WASF3: variants seen among roughly 807,000 people sequenced by gnomAD.
WASF3 encodes the protein WASP family member 3, also known as actin-binding protein WASF3.
Under a neutral mutation model 46.6 loss-of-function variants are expected in WASF3, and 11 were observed. The observed-to-expected ratio is 0.24, with a 90% CI of 0.15 to 0.39. The LOEUF is 0.39. Among genes scored for constraint, WASF3 ranks in the 10% least tolerant of loss-of-function variants. WASF3 has a pLI of 1.00. For synonymous variants in WASF3, 242 were observed against 259.7 expected (o/e 0.93, Z 0.65); for missense variants, 576 against 669.8 (o/e 0.86, Z 1.55).
chr13:26,579,281 A>G (rs189395388), intron 1 of WASF3, among the ~76,000 whole-genome samples: 1 of 152,204 alleles, frequency 6.6e-6, no homozygotes, highest in African/African-American at 2.4e-5. Context: ...ATTAAAATAC[A>G]AAAGTAAATA....
intron 6 of WASF3, 55 bp from the exon 7 acceptor site, chr13:26,676,494 C>G: frequency 1.9e-6 from 3 of 1,577,916 alleles, no homozygotes; most frequent in Non-Finnish European, 2.6e-6. Context: ...ATTTAACCAG[C>G]TGTTTTCCTT....
At chr13:26,653,333 T>C (rs1882371340) in intron 3 of WASF3, among the ~76,000 whole-genome samples, 1 of 152,188 alleles carries the variant, frequency 6.6e-6, no homozygotes, top group Non-Finnish European at 1.5e-5. Context: ...AAATTTCAGA[T>C]CATCCTCTCC....
rs1044444306 is a variant in WASF3, at chr13:26,590,914, GAACT to G, written c.-108-22044_-108-22041del. Among the ~76,000 whole-genome samples the G allele has an allele frequency of 5.1e-4, 78 of 152,296 alleles. 1 individual carries two copies. The highest frequency in any genetic ancestry group is 1.9e-3 in the African/African-American group (77 of 41,544). ...AGAAGATAATAGATGGTAATGGAGAGAACTAAATCATTTAAAAAGGGTAAGGAGG... is the reference window on the plus strand; with the variant it reads ...AGAAGATAATAGATGGTAATGGAGAGAAATCATTTAAAAAGGGTAAGGAGG... On this transcript the variant is annotated intron_variant, in intron 1 of 9. Coordinates refer to ENST00000335327, the MANE Select transcript of WASF3 (RefSeq NM_006646.6).
At chr13:26,670,502 AAG>A (rs1161218891) in intron 5 of WASF3, among the ~76,000 whole-genome samples, 1 of 152,210 alleles carries the variant, frequency 6.6e-6, no homozygotes, top group Non-Finnish European at 1.5e-5. Context: ...AATAATAAAA[AAG>A]AACGTATCTG....
intron 1 of WASF3, among the ~76,000 whole-genome samples, chr13:26,598,003 A>G (rs2137196231): frequency 1.3e-5 from 2 of 152,294 alleles, no homozygotes; most frequent in South Asian, 4.1e-4. Context: ...GCTGGGTCAA[A>G]TGGTATTTCT....
intron 3 of WASF3, among the ~76,000 whole-genome samples, chr13:26,663,444 G>T (rs979809757): frequency 3.3e-5 from 5 of 152,162 alleles, no homozygotes; most frequent in African/African-American, 1.2e-4. Context: ...GAACCATTTT[G>T]CATATTATGG....
intron 1 of WASF3, chr13:26,577,016 T>C (rs1879818199): frequency 1.4e-6 from 1 of 715,192 alleles, no homozygotes; most frequent in Admixed American, 1.9e-5. Flanking sequence ...ATAAGGAATA[T>C]TGGAAAGATG....
intron 1 of WASF3, 80 bp downstream of exon 1, chr13:26,557,899 G>A: frequency 3.5e-6 from 1 of 284,524 alleles, no homozygotes; most frequent in Non-Finnish European, 6.5e-6. Context: ...GCGGCTGTCG[G>A]GGGAGGGGCG....
intron 2 of WASF3, among the ~76,000 whole-genome samples, chr13:26,634,418 G>A (rs1014273436): frequency 6.6e-6 from 1 of 152,154 alleles, no homozygotes; most frequent in Non-Finnish European, 1.5e-5. Flanking sequence ...ACAGCACACT[G>A]ATGGGTCTTG....
chr13:26,591,191 G>A (rs947111123), intron 1 of WASF3, among the ~76,000 whole-genome samples: 3 of 152,012 alleles, frequency 2.0e-5, no homozygotes, highest in African/African-American at 7.2e-5. Flanking sequence ...TTAGGGGAGG[G>A]AAGGAAGCAG....
At chr13:26,562,256 A>G (rs1879315654) in intron 1 of WASF3, among the ~76,000 whole-genome samples, 1 of 152,132 alleles carries the variant, frequency 6.6e-6, no homozygotes, top group African/African-American at 2.4e-5. Context: ...GGAAGCAGAT[A>G]ATAGGCTCCC....
intron 8 of WASF3, among the ~76,000 whole-genome samples, chr13:26,681,563 G>T (rs1027796170): frequency 6.6e-6 from 1 of 152,056 alleles, no homozygotes; most frequent in Admixed American, 6.6e-5. Context: ...ACACACTCTG[G>T]GTGTTTGAAT....
intron 2 of WASF3, chr13:26,640,230 T>C (rs931972340): frequency 6.6e-6 from 1 of 152,084 alleles, no homozygotes; most frequent in African/African-American, 2.4e-5. Context: ...AACATGAGAT[T>C]TGGAGAGAAC....
chr13:26,560,016 C>G (rs1412136766), intron 1 of WASF3, among the ~76,000 whole-genome samples: 1 of 151,764 alleles, frequency 6.6e-6, no homozygotes, highest in African/African-American at 2.4e-5. Context: ...TGCAGTTTCA[C>G]CATGTTGGAC....
At chr13:26,593,376 G>T (rs555175105) in intron 1 of WASF3, among the ~76,000 whole-genome samples, 1 of 152,090 alleles carries the variant, frequency 6.6e-6, no homozygotes, top group Non-Finnish European at 1.5e-5. Flanking sequence ...ATATGCTGAA[G>T]ATCAAATCAT....
At chr13:26,657,852 C>T (rs1395713258) in intron 3 of WASF3, among the ~76,000 whole-genome samples, 1 of 152,160 alleles carries the variant, frequency 6.6e-6, no homozygotes, top group African/African-American at 2.4e-5. Context: ...ATAGCTCTTT[C>T]CATTTTTTTC....
chr13:26,581,441 A>ATT (rs538276216), intron 1 of WASF3, among the ~76,000 whole-genome samples: 7 of 145,564 alleles, frequency 4.8e-5, no homozygotes, highest in Admixed American at 6.9e-5. Context: ...AGGCCAGCCA[A>ATT]TTTTTTTTTT....
intron 6 of WASF3, among the ~76,000 whole-genome samples, chr13:26,675,650 C>CTG (rs35156420): frequency 0.28 from 41,318 of 146,958 alleles, 6,083 homozygotes; most frequent in East Asian, 0.57. Flanking sequence ...GATGCCATGT[C>CTG]TGTGTGTGTG....
At position 26,681,228 on chromosome 13, in the gene WASF3, C is replaced by T; in HGVS notation, c.891C>T (p.Ala297=). ...CATCTGCCTCGGCGAGGCACATGGC[C>T]CTCAACAGACCTCAGCAGCCGCCCC... ...RPPSASARHM[A]LNRPQQPPPP... Residue 297 remains alanine (A), a synonymous_variant, in exon 8 of 10, where the codon GCC becomes GCT. Coordinates refer to ENST00000335327, the MANE Select transcript of WASF3 (RefSeq NM_006646.6). 1 of 1,613,960 alleles carries T rather than the reference C, an allele frequency of 6.2e-7. No homozygotes were observed. Among genetic ancestry groups the T allele is most frequent in the Non-Finnish European group, 8.5e-7 (1 of 1,179,972 alleles).
Sources: allele counts gnomAD v4.1 joint callset (sites outside exome capture counted in the v4.1 genomes callset), GRCh38; gene constraint gnomAD v4.1.1; transcripts MANE v1.5; gene names NCBI Gene and HGNC (gene_info 2026-07-23, HGNC 2026-07-21).